Variants in SH3BP1 observed in about 807,000 individuals in gnomAD.
The protein encoded by SH3BP1 is SH3 domain binding protein 1.
A neutral mutation model predicts 69.8 loss-of-function variants in SH3BP1; 46 were observed. That is an observed-to-expected ratio of 0.66 (90% CI 0.52 to 0.84). The LOEUF is 0.84. Ranked by LOEUF, SH3BP1 falls within the 40% of genes least tolerant of loss-of-function variation. SH3BP1 has a pLI of 0.00. For missense variants in SH3BP1, 868 were observed against 930.9 expected (o/e 0.93, Z 0.88); for synonymous variants, 403 against 378.0 (o/e 1.07, Z -0.77).
chr22:37,646,757 G>T (rs551023636), intron 10 of SH3BP1, 61 bp from the exon 11 acceptor site: 34 of 1,055,506 alleles, frequency 3.2e-5, no homozygotes, highest in Non-Finnish European at 2.0e-5. Flanking sequence ...CTACAAGTGC[G>T]CCAGGGTGTC....
chr22:37,652,112 C>T (rs567852117), intron 16 of SH3BP1, among the ~76,000 whole-genome samples: 3 of 151,102 alleles, frequency 2.0e-5, no homozygotes, highest in Non-Finnish European at 4.4e-5. Flanking sequence ...AGATCGAGAC[C>T]ATCCTGGCTA....
In SH3BP1 at chr22:37,648,420, C is replaced by T; in HGVS notation, c.1301C>T (p.Pro434Leu). The change falls in exon 14 of 18, where the codon CCA becomes CTA. Residue 434 changes from proline (P) to leucine (L), a missense_variant. By Grantham distance (98) the Pro-to-Leu change is moderately conservative. This residue lies in a region of SH3BP1 where 474 missense variants were observed against 462.3 expected (regional missense o/e 1.03). Transcript: ENST00000649765. ...GTCCTGGGACCCAACTTGCTGTGGC[C>T]ACCTGAGAAAGAAGGGTGAGGGGCC... is the stretch of plus-strand genomic sequence containing the variant. Reference protein sequence around the residue: ...AIVLGPNLLWPPEKEGDQAQL... With the variant: ...AIVLGPNLLWLPEKEGDQAQL... 6.4e-7 allele frequency: 1 copy of T among 1,566,072 alleles called. No homozygotes were observed. Among genetic ancestry groups the T allele is most frequent in the Non-Finnish European group, 8.7e-7 (1 of 1,154,404 alleles).
chr22:37,640,443 C>A (rs572810180), intron 1 of SH3BP1: 51 of 152,502 alleles, frequency 3.3e-4, no homozygotes, highest in African/African-American at 9.9e-4. Flanking sequence ...GCCTCTGAGC[C>A]GGTGGCACGG....
intron 11 of SH3BP1, 77 bp from the exon 12 acceptor site, chr22:37,647,190 G>T: frequency 7.7e-7 from 1 of 1,294,936 alleles, no homozygotes; most frequent in Non-Finnish European, 1.1e-6. Flanking sequence ...GTGAACAAGG[G>T]CCGGAGGTTC....
At position 37,645,371 on chromosome 22, in the gene SH3BP1, C is replaced by A; in HGVS notation, c.785C>A (p.Ser262Tyr). Residue 262 changes from serine to tyrosine, a missense_variant, in exon 10 of 18, where the codon TCC (serine) becomes TAC (tyrosine). By Grantham distance (144) the Ser-to-Tyr change is moderately radical. This residue lies in a region of SH3BP1 where 387 missense variants were observed against 447.9 expected (regional missense o/e 0.86). Coordinates refer to ENST00000649765, the MANE Select transcript of SH3BP1 (RefSeq NM_018957.6). ...ATCTGTTTCATCCCTGCAGACCACT[C>A]CCCTTCGATGACAGCCACCCACTTC... ...LRENHGQADH[S>Y]PSMTATHFPR... is the part of the protein sequence containing the mutation. 1 of 1,608,402 alleles carries A rather than the reference C, an allele frequency of 6.2e-7. No homozygotes were observed. Among genetic ancestry groups the A allele is most frequent in the Non-Finnish European group, 8.5e-7 (1 of 1,175,480 alleles).
intron 14 of SH3BP1, among the ~76,000 whole-genome samples, chr22:37,649,553 G>T (rs1932840430): frequency 6.6e-6 from 1 of 152,180 alleles, no homozygotes; most frequent in South Asian, 2.1e-4. Flanking sequence ...GGAGGCCGAG[G>T]TGGGTGGATC....
In SH3BP1 at chr22:37,648,242, C is replaced by T; in HGVS notation, c.1200-77C>T. 3 of 1,038,800 alleles carry T rather than the reference C, an allele frequency of 2.9e-6. No individual in the cohort carries two copies. In the South Asian group the frequency reaches 4.1e-5, roughly 14 times the overall value. The allele number at this position is 1,038,800 out of a possible 1,614,324, so 64.3% of individuals were successfully genotyped here. On this transcript the variant is annotated intron_variant, in intron 13 of 17. Transcript: ENST00000649765. ...CATTCTGGGCGGTGTCTTTCACACT[C>T]TTTGGAAACCCTGGGCTGGAGAATT...
chr22:37,641,454 C>G lies in SH3BP1; in HGVS notation c.183C>G (p.Ser61Arg), dbSNP rs755212956. 1 of 1,550,924 alleles carries G rather than the reference C, an allele frequency of 6.4e-7. No homozygotes were observed. The highest frequency in any genetic ancestry group is 8.7e-7 in the Non-Finnish European group (1 of 1,147,090). ...KRLQACLQGQ[S>R]GADMDKRVKK... ...TGCAGGCCTGTCTGCAGGGCCAGAG[C>G]GGGGCAGACATGGACAAGCGGGTGG... The change falls in exon 3 of 18, where the codon AGC (serine) becomes AGG (arginine). Residue 61 changes from serine to arginine, a missense_variant. Transcript: ENST00000649765.
At chr22:37,643,923 C>T (rs1241380273) in intron 7 of SH3BP1, 135 bp downstream of exon 7, 3 of 936,946 alleles carry the variant, frequency 3.2e-6, no homozygotes, top group Admixed American at 4.4e-5. Flanking sequence ...GCCAGCAGAG[C>T]TCCGCCATTC....
intron 5 of SH3BP1, 44 bp downstream of exon 5, chr22:37,643,050 T>C (rs1469898262): frequency 6.2e-7 from 1 of 1,608,876 alleles, no homozygotes; most frequent in Non-Finnish European, 8.5e-7. Context: ...CCCCAGCTTC[T>C]GGCTCCCTCC....
At chr22:37,653,716 C>G (rs1041629607) in intron 16 of SH3BP1, 63 bp from the exon 17 acceptor site, 1 of 1,191,848 alleles carries the variant, frequency 8.4e-7, no homozygotes, top group Non-Finnish European at 1.2e-6. Flanking sequence ...GGAGACTCCT[C>G]AGGATTCCAT....
At chr22:37,655,190 T>A (rs1932984404) in intron 17 of SH3BP1, 82 bp from the exon 18 acceptor site, 3 of 1,005,846 alleles carry the variant, frequency 3.0e-6, no homozygotes, top group Non-Finnish European at 2.9e-6. Flanking sequence ...GATGCAAAGG[T>A]TGTGAGGGGG....
At chr22:37,648,274 G>A in intron 13 of SH3BP1, 45 bp from the exon 14 acceptor site, 1 of 1,342,300 alleles carries the variant, frequency 7.4e-7, no homozygotes, top group Non-Finnish European at 1.1e-6. Context: ...AATTCTCAGG[G>A]CTGGGTGCGT....
rs1446972042 is a variant in SH3BP1, at chr22:37,642,572, A to G, written c.241A>G (p.Met81Val). 8 of 1,613,284 alleles carry G rather than the reference A, an allele frequency of 5.0e-6. No individual in the cohort carries two copies. The highest frequency in any genetic ancestry group is 6.8e-6 in the Non-Finnish European group (8 of 1,179,976). Reference protein sequence around the residue: ...KLPLMALSTTMAESFKELDPD... With the variant: ...KLPLMALSTTVAESFKELDPD... ...TCCCCTCATGGCTCTGTCCACCACG[A>G]TGGCTGAGAGCTTCAAGGAGCTGGA... Residue 81 changes from methionine (M) to valine (V), a missense_variant, in exon 4 of 18, where the codon ATG becomes GTG. Transcript: ENST00000649765.
At position 37,646,856 on chromosome 22, in the gene SH3BP1, G is replaced by T. The variant is rs1222666352; in HGVS notation, c.963G>T (p.Lys321Asn). 1 of 1,562,838 alleles carries T rather than the reference G, an allele frequency of 6.4e-7. No individual in the cohort carries two copies. Among genetic ancestry groups the T allele is most frequent in the East Asian group, 2.3e-5 (1 of 43,316 alleles). Residue 321 changes from lysine (K) to asparagine (N), a missense_variant, in exon 11 of 18, where the codon AAG (lysine) becomes AAT (asparagine). Physicochemically the swap from Lys to Asn is moderately conservative, Grantham distance 94 (BLOSUM62 0). Coordinates refer to ENST00000649765, the MANE Select transcript of SH3BP1 (RefSeq NM_018957.6). The part of the protein sequence containing the change: ...FRLAAGASVL[K>N]RLKQTMASDP... ...TGGCTGCTGGGGCCTCGGTGCTGAA[G>T]CGTCTCAAGCAGACAATGGCCTCGG...
chr22:37,647,234 C>T (rs1355314128), intron 11 of SH3BP1, 33 bp from the exon 12 acceptor site: 1 of 1,586,312 alleles, frequency 6.3e-7, no homozygotes, highest in African/African-American at 1.3e-5. Flanking sequence ...CGGGTGGGGG[C>T]TGCCTCTGAC....
intron 6 of SH3BP1, 45 bp downstream of exon 6, chr22:37,643,219 A>G: frequency 6.6e-7 from 1 of 1,522,716 alleles, no homozygotes; most frequent in Non-Finnish European, 9.0e-7. Context: ...GGGTCAGCCC[A>G]CAGAGATGGT....
rs146664648 is a variant in SH3BP1, at chr22:37,650,166, T to G, written c.1331T>G (p.Leu444Arg). The change falls in exon 15 of 18, where the codon CTG becomes CGG. Residue 444 changes from leucine to arginine, a missense_variant. Leu to Arg is a moderately radical substitution (Grantham distance 102). This residue lies in a region of SH3BP1 where 474 missense variants were observed against 462.3 expected (regional missense o/e 1.03). Coordinates refer to ENST00000649765, the MANE Select transcript of SH3BP1 (RefSeq NM_018957.6). ...CTTTGTCCCAGGGACCAGGCCCAGC[T>G]GGATGCAGCCTCCGTGTCTTCCATC... ...PPEKEGDQAQLDAASVSSIQV... is the reference protein window; with the variant it reads ...PPEKEGDQAQRDAASVSSIQV... The G allele has an allele frequency of 1.4e-5, 23 of 1,614,148 alleles. No individual in the cohort carries two copies. The highest frequency in any genetic ancestry group is 4.0e-5 in the African/African-American group (3 of 75,064).
intron 16 of SH3BP1, among the ~76,000 whole-genome samples, chr22:37,653,285 A>C (rs974267624): frequency 6.6e-5 from 10 of 152,164 alleles, no homozygotes; most frequent in South Asian, 2.1e-4. Context: ...ACAACAACAA[A>C]AAAATCTGGG....
Sources: gnomAD v4.1 joint callset for allele counts (sites outside exome capture counted in the v4.1 genomes callset) on GRCh38, gnomAD v4.1.1 for gene constraint, gnomAD v4.1.1 regional missense constraint, MANE v1.5 for transcripts, NCBI Gene and HGNC (gene_info 2026-07-23, HGNC 2026-07-21) for gene names.